KIAA0825: variants seen among roughly 807,000 people sequenced by gnomAD.
The protein encoded by KIAA0825 is uncharacterized protein KIAA0825.
Under a neutral mutation model 147.6 loss-of-function variants are expected in KIAA0825, and 119 were observed. The ratio of observed to expected loss-of-function variants is 0.81; its 90% CI spans 0.69 to 0.94. The LOEUF is 0.94. Among genes scored for constraint, KIAA0825 ranks in the 40% least tolerant of loss-of-function variants. The pLI, the probability that KIAA0825 is intolerant of heterozygous loss-of-function variation, is 0.00. For synonymous variants in KIAA0825, 470 were observed against 518.1 expected, an observed-to-expected ratio of 0.91 and a Z score of 1.26; for missense variants, 1,381 against 1,472.7, an observed-to-expected ratio of 0.94 and a Z score of 1.02.
At chr5:94,574,270 C>A (rs973336055) in intron 2 of KIAA0825, among the ~76,000 whole-genome samples, 3 of 151,986 alleles carry the variant, frequency 2.0e-5, no homozygotes, top group Non-Finnish European at 2.9e-5. Context: ...GATGGCCGGG[C>A]GTGGTGGCTC....
intron 20 of KIAA0825, among the ~76,000 whole-genome samples, chr5:94,207,851 A>G (rs1193626570): frequency 6.6e-6 from 1 of 152,156 alleles, no homozygotes; most frequent in African/African-American, 2.4e-5. Flanking sequence ...GGTTATGAAA[A>G]GCCAAACCAT....
chr5:94,473,281 C>A lies in KIAA0825; in HGVS notation c.1455+11G>T. 6.5e-7 allele frequency: 1 copy of A among 1,547,792 alleles called. No individual in the cohort carries two copies. The highest frequency in any genetic ancestry group is 1.2e-5 in the South Asian group (1 of 83,836). On this transcript the variant is annotated intron_variant, in intron 8 of 20. Transcript: ENST00000682413. ...GCCAGTCAGCAGTTTGAAAGGATTTCATATACTTGCTTTTCCAATTTTCTT... is the reference window on the plus strand; with the variant it reads ...GCCAGTCAGCAGTTTGAAAGGATTTAATATACTTGCTTTTCCAATTTTCTT...
intron 2 of KIAA0825, among the ~76,000 whole-genome samples, chr5:94,541,717 T>A (rs1318284226): frequency 6.6e-6 from 1 of 152,240 alleles, no homozygotes; most frequent in African/African-American, 2.4e-5. Context: ...TACCTTATGG[T>A]CAAACTGATT....
intron 20 of KIAA0825, among the ~76,000 whole-genome samples, chr5:94,200,267 C>G (rs1771545043): frequency 6.6e-6 from 1 of 152,126 alleles, no homozygotes; most frequent in African/African-American, 2.4e-5. Flanking sequence ...TGCTCCACAC[C>G]AATTTTACTC....
intron 20 of KIAA0825, among the ~76,000 whole-genome samples, chr5:94,307,669 C>G (rs1162133509): frequency 1.3e-5 from 2 of 151,656 alleles, no homozygotes; most frequent in African/African-American, 4.8e-5. Context: ...GAAGTTTCTT[C>G]CTTCAAATTG....
chr5:94,330,745 G>A (rs542501425), intron 20 of KIAA0825, among the ~76,000 whole-genome samples: 2 of 152,110 alleles, frequency 1.3e-5, no homozygotes, highest in African/African-American at 4.8e-5. Context: ...TCAAAAGTCA[G>A]TTCTTTAAAA....
intron 14 of KIAA0825, among the ~76,000 whole-genome samples, chr5:94,424,350 A>G (rs1315980383): frequency 1.3e-5 from 2 of 152,176 alleles, no homozygotes; most frequent in African/African-American, 4.8e-5. Context: ...AAAACTAGAT[A>G]TCAATAACAA....
chr5:94,491,146 A>G (rs1346555736), intron 5 of KIAA0825, among the ~76,000 whole-genome samples: 1 of 152,156 alleles, frequency 6.6e-6, no homozygotes, highest in Admixed American at 6.5e-5. Flanking sequence ...AAAAACGAAC[A>G]TTAGCCACCC....
intron 13 of KIAA0825, among the ~76,000 whole-genome samples, chr5:94,444,885 T>C (rs757962873): frequency 3.9e-5 from 6 of 152,130 alleles, no homozygotes; most frequent in East Asian, 1.9e-4. Context: ...CGTTTTCACA[T>C]TGCTCTAAAG....
chr5:94,377,066 A>G (rs1339958620), intron 20 of KIAA0825, among the ~76,000 whole-genome samples: 1 of 152,174 alleles, frequency 6.6e-6, no homozygotes, highest in East Asian at 1.9e-4. Flanking sequence ...TATAGGGTAA[A>G]GGTACTTTAA....
In KIAA0825 at chr5:94,356,725, C is replaced by CTTTTTTTTTTTTTTTTTT. The variant is rs1172838355; in HGVS notation, c.3710+27642_3710+27643insAAAAAAAAAAAAAAAAAA. Reference sequence around the variant, plus strand: ...TCAAACTTAAGGTTTAACTTGATTTCTTTTTTTTTTTTTTTTTGAGACGGA... The same window carrying CTTTTTTTTTTTTTTTTTT: ...TCAAACTTAAGGTTTAACTTGATTTCTTTTTTTTTTTTTTTTTTTTTTTTTTTTTTTTTTTGAGACGGA... On this transcript the variant is annotated intron_variant, in intron 20 of 20. Coordinates refer to ENST00000682413, the MANE Select transcript of KIAA0825 (RefSeq NM_001145678.3). Among the ~76,000 whole-genome samples the CTTTTTTTTTTTTTTTTTT allele has an allele frequency of 2.3e-3, 272 of 116,710 alleles. 26 individuals carry two copies. Among genetic ancestry groups the CTTTTTTTTTTTTTTTTTT allele is most frequent in the African/African-American group, 5.3e-3 (156 of 29,502 alleles). The allele number at this position is 116,710 out of a possible 152,430, so 76.6% of individuals were successfully genotyped here.
chr5:94,512,323 G>A (rs182805900), intron 5 of KIAA0825, among the ~76,000 whole-genome samples: 1 of 151,944 alleles, frequency 6.6e-6, no homozygotes, highest in East Asian at 1.9e-4. Context: ...CCTGAGAAAC[G>A]ACATGTTAAA....
At chr5:94,232,339 T>G (rs1774759750) in intron 20 of KIAA0825, among the ~76,000 whole-genome samples, 1 of 152,174 alleles carries the variant, frequency 6.6e-6, no homozygotes, top group Non-Finnish European at 1.5e-5. Flanking sequence ...TGTTTCCGTT[T>G]TCTTCCTTTG....
Position 94,396,174 on chromosome 5 carries a change from G to A in KIAA0825, c.3223C>T (p.Gln1075Ter). ...IHNQMIQKVI[Q>*]SIEQQKPNWI... ...TTGGGCTTCTGCTGCTCAATGCTCTGTATGACCTTTTGGATCATTTGATTA... is the reference window on the plus strand; with the variant it reads ...TTGGGCTTCTGCTGCTCAATGCTCTATATGACCTTTTGGATCATTTGATTA... Residue 1075 changes from glutamine (Q) to a stop codon, truncating the protein, a stop_gained, in exon 17 of 21, where the codon CAG (glutamine) becomes TAG (stop). Transcript: ENST00000682413. LOFTEE classifies it high-confidence loss of function. The A allele has an allele frequency of 1.3e-6, 2 of 1,549,736 alleles. No homozygotes were observed. Among genetic ancestry groups the A allele is most frequent in the East Asian group, 2.4e-5 (1 of 40,896 alleles).
chr5:94,406,582 C>T (rs1431853924), intron 15 of KIAA0825, among the ~76,000 whole-genome samples: 1 of 152,036 alleles, frequency 6.6e-6, no homozygotes, highest in Non-Finnish European at 1.5e-5. Context: ...TATCAGAACA[C>T]TGGCAAAAAT....
chr5:94,227,586 G>A (rs1420174391), intron 20 of KIAA0825, among the ~76,000 whole-genome samples: 1 of 149,972 alleles, frequency 6.7e-6, no homozygotes. Flanking sequence ...GTACAGTCAG[G>A]AAAATTAAAA....
chr5:94,457,848 C>T (rs1360041750), intron 12 of KIAA0825, among the ~76,000 whole-genome samples: 1 of 152,160 alleles, frequency 6.6e-6, no homozygotes, highest in African/African-American at 2.4e-5. Flanking sequence ...TGGAATAAAC[C>T]TCCATGACTA....
At chr5:94,174,703 A>C (rs1156490958) in intron 20 of KIAA0825, among the ~76,000 whole-genome samples, 6 of 152,042 alleles carry the variant, frequency 3.9e-5, no homozygotes, top group South Asian at 2.1e-4. Context: ...AATAAAAAAA[A>C]CTCTGTCCTT....
At chr5:94,316,190 A>C (rs996583731) in intron 20 of KIAA0825, among the ~76,000 whole-genome samples, 1 of 151,744 alleles carries the variant, frequency 6.6e-6, no homozygotes, top group African/African-American at 2.4e-5. Flanking sequence ...TAAAGCAAAA[A>C]GATAGAAAAA....
Sources: gnomAD v4.1 joint callset for allele counts (sites outside exome capture counted in the v4.1 genomes callset) on GRCh38, gnomAD v4.1.1 for gene constraint, MANE v1.5 for transcripts, NCBI Gene and HGNC (gene_info 2026-07-23, HGNC 2026-07-21) for gene names.